The following IQCM variants were observed in gnomAD, a reference collection of about 807,000 sequenced individuals.
IQCM encodes the protein IQ motif containing M.
A neutral mutation model predicts 57.6 loss-of-function variants in IQCM; 45 were observed. The ratio of observed to expected loss-of-function variants is 0.78; its 90% CI spans 0.62 to 1.00. The LOEUF is 1.00. Among genes scored for constraint, IQCM ranks in the 50% least tolerant of loss-of-function variants. IQCM has a pLI of 0.00. For synonymous variants in IQCM, 148 were observed against 158.9 expected (o/e 0.93, Z 0.51); for missense variants, 468 against 511.6 (o/e 0.91, Z 0.82).
chr4:149,658,883 T>C (rs567522990), intron 7 of IQCM, among the ~76,000 whole-genome samples: 2 of 152,172 alleles, frequency 1.3e-5, no homozygotes, highest in Admixed American at 1.3e-4. Flanking sequence ...GGTGGAGTTG[T>C]TAGAGTTTTC....
intron 5 of IQCM, among the ~76,000 whole-genome samples, chr4:149,700,257 G>A (rs1457659309): frequency 2.0e-5 from 3 of 152,030 alleles, no homozygotes; most frequent in African/African-American, 7.2e-5. Context: ...CCCACATGGA[G>A]CTTTGTTAAG....
At chr4:149,523,713 T>C (rs1745885895) in intron 12 of IQCM, among the ~76,000 whole-genome samples, 2 of 152,040 alleles carry the variant, frequency 1.3e-5, no homozygotes, top group Admixed American at 6.6e-5. Context: ...AACTGATTGG[T>C]TGACTGACTG....
At chr4:149,621,016 T>C in intron 8 of IQCM, 113 bp downstream of exon 8, 1 of 428,766 alleles carries the variant, frequency 2.3e-6, no homozygotes, top group Non-Finnish European at 3.9e-6. Flanking sequence ...GAGAACTATC[T>C]TAGGACTGAA....
chr4:149,455,025 T>C (rs930986369), intron 12 of IQCM, among the ~76,000 whole-genome samples: 2 of 152,068 alleles, frequency 1.3e-5, no homozygotes, highest in Admixed American at 1.3e-4. Flanking sequence ...CAACATAAGA[T>C]TCGACTTACA....
chr4:149,585,648 T>C (rs1409541990), intron 9 of IQCM, among the ~76,000 whole-genome samples: 1 of 151,680 alleles, frequency 6.6e-6, no homozygotes, highest in Non-Finnish European at 1.5e-5. Context: ...AGTTTAATAA[T>C]TTATTAAGTA....
rs1039148612 is a variant in IQCM, at chr4:149,488,101, A to G, written c.1229-54544T>C. Among the ~76,000 whole-genome samples, 25 of 152,150 alleles carry G rather than the reference A, an allele frequency of 1.6e-4. 1 individual carries two copies. The highest frequency in any genetic ancestry group is 5.8e-4 in the African/African-American group (24 of 41,440). ...GGTATAAAATATTTAAACATATTTT[A>G]TCATGATATTTTATTTGTTTACCAT... On this transcript the variant is annotated intron_variant, in intron 12 of 13. Coordinates refer to ENST00000636793, the MANE Select transcript of IQCM (RefSeq NM_001363507.2).
chr4:149,785,745 G>T (rs142430150), intron 2 of IQCM, among the ~76,000 whole-genome samples: 3,388 of 151,514 alleles, frequency 0.022, 63 homozygotes, highest in South Asian at 0.036. Flanking sequence ...ATTGTAAATA[G>T]TTTAGGCTTT....
chr4:149,644,648 T>C (rs1758488714), intron 7 of IQCM, among the ~76,000 whole-genome samples: 1 of 152,210 alleles, frequency 6.6e-6, no homozygotes, highest in Non-Finnish European at 1.5e-5. Flanking sequence ...CATTCCTGTA[T>C]GTTCATCCTG....
At chr4:149,400,669 G>GTTTATAACTAAATATAATTTA (rs1732556198) in intron 13 of IQCM, among the ~76,000 whole-genome samples, 1 of 151,570 alleles carries the variant, frequency 6.6e-6, no homozygotes, top group Non-Finnish European at 1.5e-5. Flanking sequence ...TACATTATGA[G>GTTTATAACTAAATATAATTTA]GCAAAAATAA....
chr4:149,566,865 A>G (rs940261338), intron 9 of IQCM, among the ~76,000 whole-genome samples: 1 of 152,218 alleles, frequency 6.6e-6, no homozygotes, highest in African/African-American at 2.4e-5. Flanking sequence ...GTATTTACAA[A>G]TAATGAGTTT....
In IQCM at chr4:149,769,024, A is replaced by C. The variant is rs1223232249; in HGVS notation, c.-48-26285T>G. Reference sequence around the variant, plus strand: ...AAATCTCTGCAGATCATAGAGTGAAATATCCAAATAATCTTTCATTATATA... The same window carrying C: ...AAATCTCTGCAGATCATAGAGTGAACTATCCAAATAATCTTTCATTATATA... On this transcript the variant is annotated intron_variant, in intron 2 of 13. Transcript: ENST00000636793. Among the ~76,000 whole-genome samples, 3 of 152,140 alleles carry C rather than the reference A, an allele frequency of 2.0e-5. No homozygotes were observed. The East Asian group carries it at 5.8e-4, about 29-fold the overall frequency.
In IQCM at chr4:149,772,323, T is replaced by A. The variant is rs184677150; in HGVS notation, c.-48-29584A>T. ...TTCAATTAATAAGAAATGCTCAAAA[T>A]GTAATTTTGATAGAAAAATAAAGTA... On this transcript the variant is annotated intron_variant, in intron 2 of 13. Transcript: ENST00000636793. Among the ~76,000 whole-genome samples, 3 of 152,316 alleles carry A rather than the reference T, an allele frequency of 2.0e-5. No individual in the cohort carries two copies. The East Asian group carries it at 5.8e-4, about 29-fold the overall frequency.
intron 2 of IQCM, among the ~76,000 whole-genome samples, chr4:149,813,846 C>A (rs1042234376): frequency 6.6e-6 from 1 of 152,040 alleles, no homozygotes; most frequent in Non-Finnish European, 1.5e-5. Flanking sequence ...AATTATTATT[C>A]CAGAGTCCTT....
At chr4:149,406,523 G>A (rs1179097088) in intron 13 of IQCM, among the ~76,000 whole-genome samples, 2 of 152,106 alleles carry the variant, frequency 1.3e-5, no homozygotes, top group African/African-American at 4.8e-5. Flanking sequence ...AGAACACTGA[G>A]AATATCAGAG....
At chr4:149,414,774 G>A (rs1445466359) in intron 13 of IQCM, among the ~76,000 whole-genome samples, 1 of 151,728 alleles carries the variant, frequency 6.6e-6, no homozygotes, top group Non-Finnish European at 1.5e-5. Flanking sequence ...ACCTATTTAA[G>A]AATTTTATTC....
At chr4:149,473,118 C>G (rs1739768363) in intron 12 of IQCM, among the ~76,000 whole-genome samples, 2 of 152,144 alleles carry the variant, frequency 1.3e-5, no homozygotes, top group African/African-American at 2.4e-5. Context: ...CCAAAATTGA[C>G]AAATGGGAGC....
intron 12 of IQCM, among the ~76,000 whole-genome samples, chr4:149,501,745 A>C (rs1399016092): frequency 6.6e-6 from 1 of 152,180 alleles, no homozygotes; most frequent in Non-Finnish European, 1.5e-5. Context: ...TAAACACTGG[A>C]GTCATGAACA....
chr4:149,500,922 T>G (rs1743177424), intron 12 of IQCM, among the ~76,000 whole-genome samples: 1 of 152,332 alleles, frequency 6.6e-6, no homozygotes, highest in South Asian at 2.1e-4. Context: ...ATACCAATCC[T>G]GATGGTTATG....
chr4:149,512,260 T>TG (rs200085893), intron 12 of IQCM, among the ~76,000 whole-genome samples: 1,606 of 151,972 alleles, frequency 0.011, 34 homozygotes, highest in African/African-American at 0.036. Flanking sequence ...TTATAGGGGT[T>TG]GGGGGGGCAG....
Sources: gnomAD v4.1 joint callset for allele counts (sites outside exome capture counted in the v4.1 genomes callset) on GRCh38, gnomAD v4.1.1 for gene constraint, MANE v1.5 for transcripts, NCBI Gene and HGNC (gene_info 2026-07-23, HGNC 2026-07-21) for gene names.